The following GAD1 variants were observed in gnomAD, a reference collection of about 807,000 sequenced individuals.
The protein encoded by GAD1 is glutamate decarboxylase 1.
A neutral mutation model predicts 75.2 loss-of-function variants in GAD1; 35 were observed. That is an observed-to-expected ratio of 0.47 (90% CI 0.36 to 0.62). The LOEUF (loss-of-function observed/expected upper bound fraction) is 0.62, where lower values mean the gene tolerates loss of function less well. Ranked by LOEUF, GAD1 falls within the 20% of genes least tolerant of loss-of-function variation. GAD1 has a pLI of 0.00. For missense variants in GAD1, 490 were observed against 758.5 expected (o/e 0.65, Z 4.16); for synonymous variants, 257 against 271.9 (o/e 0.95, Z 0.54).
At chr2:170,838,375 A>T (rs1411597726) in intron 6 of GAD1, among the ~76,000 whole-genome samples, 2 of 152,260 alleles carry the variant, frequency 1.3e-5, no homozygotes, top group African/African-American at 4.8e-5. Context: ...CAGCACAGAC[A>T]TCATAGTAGA....
intron 3 of GAD1, among the ~76,000 whole-genome samples, chr2:170,823,926 A>G (rs138269789): frequency 6.6e-6 from 1 of 152,270 alleles, no homozygotes; most frequent in Non-Finnish European, 1.5e-5. Flanking sequence ...CTCTGGCTGC[A>G]GGCGCTCCAC....
Position 170,833,377 on chromosome 2 carries a change from T to C in GAD1, c.547+2185T>C, listed in dbSNP as rs1271746089. ...GACTCAGTTATATGTACAAAATTTA[T>C]GTTGTTTGATTTTTAAAGAAAAGCA... On this transcript the variant is annotated intron_variant, in intron 5 of 16. Transcript: ENST00000358196. Among the ~76,000 whole-genome samples, 3 of 152,232 alleles carry C rather than the reference T, an allele frequency of 2.0e-5. 1 individual carries two copies. Among genetic ancestry groups the C allele is most frequent in the Non-Finnish European group, 2.9e-5 (2 of 68,034 alleles).
intron 7 of GAD1, chr2:170,845,269 G>A: frequency 1.5e-5 from 9 of 582,078 alleles, no homozygotes; most frequent in Middle Eastern, 9.5e-4. Flanking sequence ...TGAAGTACAC[G>A]AATCACCTCC....
chr2:170,851,407 T>C (rs1406829956), intron 12 of GAD1, among the ~76,000 whole-genome samples: 1 of 152,254 alleles, frequency 6.6e-6, no homozygotes, highest in Non-Finnish European at 1.5e-5. Flanking sequence ...TAGTTAACTT[T>C]CCTTGGAATT....
intron 15 of GAD1, 81 bp from the exon 16 acceptor site, chr2:170,858,723 C>T (rs1452332407): frequency 1.6e-6 from 2 of 1,246,934 alleles, no homozygotes; most frequent in Non-Finnish European, 2.3e-6. Flanking sequence ...GAGACTTCCA[C>T]CAAGGATGCA....
chr2:170,828,171 G>A (rs372418565), intron 3 of GAD1, among the ~76,000 whole-genome samples: 2,458 of 42,436 alleles, frequency 0.058, 43 homozygotes, highest in East Asian at 0.13. Context: ...TGCTGTCCTC[G>A]CCCTCCTCTC....
At chr2:170,847,862 A>G (rs1419762775) in intron 11 of GAD1, 70 bp downstream of exon 11, 3 of 1,003,958 alleles carry the variant, frequency 3.0e-6, no homozygotes, top group Non-Finnish European at 3.2e-6. Flanking sequence ...ACTTGCCTCA[A>G]GCTTCTCCCC....
chr2:170,857,408 C>A (rs540773795), intron 15 of GAD1, among the ~76,000 whole-genome samples: 2 of 152,168 alleles, frequency 1.3e-5, no homozygotes, highest in Non-Finnish European at 2.9e-5. Flanking sequence ...AGGTCTGAAT[C>A]CTTCATCATT....
chr2:170,840,713 T>C (rs1398484857), intron 6 of GAD1, among the ~76,000 whole-genome samples: 1 of 144,926 alleles, frequency 6.9e-6, no homozygotes, highest in Non-Finnish European at 1.5e-5. Context: ...CCTCTTTGAT[T>C]AAAAAAAAAT....
chr2:170,813,491 C>T (rs1701645863), upstream of GAD1: 1 of 152,158 alleles, frequency 6.6e-6, no homozygotes, highest in Admixed American at 6.5e-5. Context: ...TTTAAGGAGC[C>T]AGCTGAAACG....
chr2:170,852,643 G>A, intron 12 of GAD1, 71 bp from the exon 13 acceptor site: 2 of 1,318,174 alleles, frequency 1.5e-6, no homozygotes, highest in Non-Finnish European at 2.2e-6. Flanking sequence ...TGGAATGGGT[G>A]TTTTCCTCAA....
chr2:170,814,229 C>A (rs183804362), upstream of GAD1, among the ~76,000 whole-genome samples: 3 of 152,154 alleles, frequency 2.0e-5, no homozygotes, highest in Non-Finnish European at 4.4e-5. Context: ...AAATACCTCA[C>A]CCCCCAACTA....
At chr2:170,842,459 A>T in intron 6 of GAD1, 1 of 1,004,390 alleles carries the variant, frequency 1.0e-6, no homozygotes, top group Non-Finnish European at 1.6e-6. Flanking sequence ...TGGAACCATT[A>T]ATAACACATT....
chr2:170,824,378 T>TACACAC lies in GAD1; in HGVS notation c.145+2266_145+2271dup, dbSNP rs10529529. Reference sequence around the variant, plus strand: ...CTGGGTCCACAGCTCCCTGCCTGCCTACACACACACACACACACACACACA... The same window carrying TACACAC: ...CTGGGTCCACAGCTCCCTGCCTGCCTACACACACACACACACACACACACACACACA... On this transcript the variant is annotated intron_variant, in intron 3 of 16. Transcript: ENST00000358196. Among the ~76,000 whole-genome samples, 1,208 of 146,384 alleles carry TACACAC rather than the reference T, an allele frequency of 8.3e-3. 9 individuals are homozygous for TACACAC. The highest frequency in any genetic ancestry group is 0.013 in the African/African-American group (497 of 39,192).
chr2:170,837,296 T>A (rs750952797), intron 6 of GAD1, among the ~76,000 whole-genome samples: 2 of 152,232 alleles, frequency 1.3e-5, no homozygotes, highest in Non-Finnish European at 2.9e-5. Flanking sequence ...ACAAACCAAT[T>A]TGATCAACCT....
upstream of GAD1, among the ~76,000 whole-genome samples, chr2:170,815,016 GCCT>G (rs1263405662): frequency 6.6e-6 from 1 of 152,154 alleles, no homozygotes. Flanking sequence ...GAGATGTGTT[GCCT>G]CCTCCTTCCT....
upstream of GAD1, among the ~76,000 whole-genome samples, chr2:170,813,689 A>G (rs1701649268): frequency 6.6e-6 from 1 of 152,174 alleles, no homozygotes; most frequent in Non-Finnish European, 1.5e-5. Flanking sequence ...TTCCCTTTGC[A>G]GAAAAGGCTT....
At chr2:170,832,694 A>G (rs1702271277) in intron 5 of GAD1, among the ~76,000 whole-genome samples, 1 of 151,664 alleles carries the variant, frequency 6.6e-6, no homozygotes, top group South Asian at 2.1e-4. Flanking sequence ...ACACACACAC[A>G]CATACACACA....
In GAD1 at chr2:170,853,706, AG is replaced by A; in HGVS notation, c.1264-166del. Reference sequence around the variant, plus strand: ...GACAAAAGGGATGGCAGTTTTTCCAAGAGTGATTTTAGAAAAGGGCATCAGA... The same window carrying A: ...GACAAAAGGGATGGCAGTTTTTCCAAAGTGATTTTAGAAAAGGGCATCAGA... On this transcript the variant is annotated intron_variant, in intron 13 of 16. Transcript: ENST00000358196. This position sits in a 1 kb window ranked among gnomAD's most constrained non-coding sequence, Gnocchi z 4.1. 1 of 662,918 alleles carries A rather than the reference AG, an allele frequency of 1.5e-6. No individual in the cohort carries two copies. 41.1% of individuals were successfully genotyped at this position (662,918 alleles called of 1,614,324 possible).
Sources: allele counts gnomAD v4.1 joint callset (sites outside exome capture counted in the v4.1 genomes callset), GRCh38; gene constraint gnomAD v4.1.1; non-coding constraint Gnocchi (gnomAD v3.1); transcripts MANE v1.5; gene names NCBI Gene and HGNC (gene_info 2026-07-23, HGNC 2026-07-21).